PKM: variants seen among roughly 807,000 people sequenced by gnomAD.
PKM encodes pyruvate kinase M1/2.
In PKM, 18 loss-of-function variants were observed where a neutral mutation model predicts 49.8. The observed-to-expected ratio is 0.36, with a 90% CI of 0.25 to 0.54. The LOEUF (loss-of-function observed/expected upper bound fraction) is 0.54. Ranked by LOEUF, PKM falls within the 20% of genes least tolerant of loss-of-function variation. The probability of loss-of-function intolerance (pLI) is 0.89; values close to 1 mark genes in which losing one functional copy is unlikely to be tolerated. For synonymous variants in PKM, 239 were observed against 261.8 expected, an observed-to-expected ratio of 0.91 and a Z score of 0.84; for missense variants, 508 against 713.8, an observed-to-expected ratio of 0.71 and a Z score of 3.28.
Position 72,200,621 on chromosome 15 carries a change from C to T in PKM, c.1342G>A (p.Ala448Thr). 2 of 1,613,346 alleles carry T rather than the reference C, an allele frequency of 1.2e-6. No homozygotes were observed. Among genetic ancestry groups the T allele is most frequent in the East Asian group, 4.5e-5 (2 of 44,850 alleles). Residue 448 changes from alanine (A) to threonine (T), a missense_variant, in exon 10 of 11, where the codon GCC becomes ACC. Physicochemically the swap from Ala to Thr is moderately conservative, Grantham distance 58. Coordinates refer to ENST00000335181, the MANE Select transcript of PKM (RefSeq NM_002654.6). The surrounding 1 kb of genome is among the most constrained non-coding windows in gnomAD (Gnocchi z 4.6). The part of the protein sequence containing the change: ...AHQVARYRPR[A>T]PIIAVTRNPQ... The stretch of plus-strand genomic sequence containing the variant: ...TTCCGGGTCACAGCAATGATGGGGG[C>T]ACGTGGGCGGTATCTGGCCACCTGG...
intron 1 of PKM, among the ~76,000 whole-genome samples, chr15:72,223,187 C>T (rs1429381036): frequency 6.6e-6 from 1 of 152,010 alleles, no homozygotes; most frequent in Non-Finnish European, 1.5e-5. Context: ...TCCCATGCTC[C>T]ACTTCTTAGG....
intron 1 of PKM, among the ~76,000 whole-genome samples, chr15:72,221,546 T>C (rs532524932): frequency 2.7e-5 from 4 of 149,826 alleles, no homozygotes; most frequent in East Asian, 4.0e-4. Context: ...TAGGACGTCA[T>C]TGGGGTGGTA....
At position 72,202,470 on chromosome 15, in the gene PKM, G is replaced by C; in HGVS notation, c.1291C>G (p.Leu431Val). The part of the protein sequence containing the change: ...FKCCSGAIIV[L>V]TKSGRSAHQV... The stretch of plus-strand genomic sequence containing the variant: ...GCCTCCTACCTGCCAGACTTGGTGA[G>C]GACGATTATGGCCCCACTGCAGCAC... The change falls in exon 9 of 11, where the codon CTC becomes GTC. Residue 431 changes from leucine to valine, a missense_variant. Coordinates refer to ENST00000335181, the MANE Select transcript of PKM (RefSeq NM_002654.6). The surrounding 1 kb of genome is among the most constrained non-coding windows in gnomAD (Gnocchi z 4.5). The C allele has an allele frequency of 6.2e-7, 1 of 1,613,178 alleles. No individual in the cohort carries two copies. Among genetic ancestry groups the C allele is most frequent in the Non-Finnish European group, 8.5e-7 (1 of 1,179,852 alleles).
Position 72,219,071 on chromosome 15 carries a change from C to A in PKM, c.27G>T (p.Gly9=). Residue 9 remains glycine, a synonymous_variant, in exon 2 of 11, where the codon GGG becomes GGT. Coordinates refer to ENST00000335181, the MANE Select transcript of PKM (RefSeq NM_002654.6). ...GCTGCTGGGTCTGAATGAAGGCAGT[C>A]CCGGCTTCACTATGGGGCTTCGACA... MSKPHSEA[G]TAFIQTQQLH... The A allele has an allele frequency of 1.2e-6, 2 of 1,614,148 alleles. No individual in the cohort carries two copies. Among genetic ancestry groups the A allele is most frequent in the Non-Finnish European group, 8.5e-7 (1 of 1,179,998 alleles).
At chr15:72,207,776 G>A (rs1240391562) in intron 6 of PKM, among the ~76,000 whole-genome samples, 1 of 152,246 alleles carries the variant, frequency 6.6e-6, no homozygotes, top group African/African-American at 2.4e-5. Flanking sequence ...CTAGGGCCAA[G>A]TTCAGCTAGC....
intron 1 of PKM, among the ~76,000 whole-genome samples, chr15:72,224,298 G>A (rs1424992332): frequency 6.6e-6 from 1 of 152,114 alleles, no homozygotes; most frequent in East Asian, 1.9e-4. Context: ...CAAGGGACCT[G>A]GGACCCTGAT....
At chr15:72,214,593 C>T (rs1456026037) in intron 3 of PKM, among the ~76,000 whole-genome samples, 1 of 151,972 alleles carries the variant, frequency 6.6e-6, no homozygotes, top group Non-Finnish European at 1.5e-5. Context: ...GTCAGGAATT[C>T]GAGATCAGCC....
At chr15:72,230,067 C>T (rs751175235) in intron 1 of PKM, among the ~76,000 whole-genome samples, 2 of 152,306 alleles carry the variant, frequency 1.3e-5, no homozygotes, top group South Asian at 4.1e-4. Flanking sequence ...GCGGGGTGGG[C>T]CCTGGGCGCG....
At chr15:72,208,982 G>A in intron 5 of PKM, 91 bp from the exon 6 acceptor site, 1 of 1,382,656 alleles carries the variant, frequency 7.2e-7, no homozygotes, top group Middle Eastern at 1.8e-4. Flanking sequence ...AGTGAGCTGG[G>A]AAGTGGTGCA....
At chr15:72,210,277 G>A (rs569580239) in intron 4 of PKM, 70 bp downstream of exon 4, 19 of 1,541,300 alleles carry the variant, frequency 1.2e-5, no homozygotes, top group African/African-American at 1.1e-4. Context: ...GCAACCCAGC[G>A]CTTTGGAGGA....
rs1167557505 is a variant in PKM, at chr15:72,200,875, G to A, written c.1308-220C>T. On this transcript the variant is annotated intron_variant, in intron 9 of 10. Transcript: ENST00000335181. This position sits in a 1 kb window ranked among gnomAD's most constrained non-coding sequence, Gnocchi z 4.6. The stretch of plus-strand genomic sequence containing the variant: ...ATTTGCCCTCTACCCCCATTCCACA[G>A]GCCAAGGGCTCAGGATCACCTTGAC... 3.7e-6 allele frequency: 2 copies of A among 539,214 alleles called. No individual in the cohort carries two copies. Among genetic ancestry groups the A allele is most frequent in the South Asian group, 4.7e-5 (2 of 42,404 alleles). 33.4% of individuals were successfully genotyped at this position (539,214 alleles called of 1,614,324 possible).
intron 1 of PKM, among the ~76,000 whole-genome samples, chr15:72,221,565 GA>G (rs35563486): frequency 5.4e-4 from 79 of 145,770 alleles, no homozygotes; most frequent in South Asian, 1.3e-3. Flanking sequence ...TAGGATTACA[GA>G]AAAAAAAAAA....
intron 8 of PKM, chr15:72,203,956 A>G (rs1044909940): frequency 6.6e-6 from 1 of 152,254 alleles, no homozygotes; most frequent in Non-Finnish European, 1.5e-5. Flanking sequence ...AAGAATCAGA[A>G]AGACAATGTA....
chr15:72,206,086 C>A (rs1211794297), intron 8 of PKM, among the ~76,000 whole-genome samples: 2 of 152,226 alleles, frequency 1.3e-5, no homozygotes, highest in Non-Finnish European at 1.5e-5. Flanking sequence ...TGTGGCCCTG[C>A]CACCAGTCAC....
chr15:72,229,314 G>A (rs571873176), intron 1 of PKM, among the ~76,000 whole-genome samples: 120 of 152,342 alleles, frequency 7.9e-4, no homozygotes, highest in African/African-American at 2.8e-3. Flanking sequence ...CAACCATCAT[G>A]AGGAAAATGT....
chr15:72,226,576 A>T (rs2082677154), intron 1 of PKM, among the ~76,000 whole-genome samples: 1 of 152,256 alleles, frequency 6.6e-6, no homozygotes, highest in African/African-American at 2.4e-5. Flanking sequence ...AAGAAACATT[A>T]TCTGCAAGTA....
At chr15:72,226,911 G>A (rs952495936) in intron 1 of PKM, among the ~76,000 whole-genome samples, 2 of 152,218 alleles carry the variant, frequency 1.3e-5, no homozygotes, top group South Asian at 4.1e-4. Context: ...CAGGGGCGGG[G>A]CTTCACCGCA....
chr15:72,203,824 G>A (rs1213134309), intron 8 of PKM: 1 of 153,314 alleles, frequency 6.5e-6, no homozygotes, highest in Admixed American at 6.5e-5. Context: ...GCCATGTGAA[G>A]AGACAGATGC....
intron 1 of PKM, chr15:72,228,721 G>A: frequency 1.3e-6 from 1 of 793,822 alleles, no homozygotes; most frequent in South Asian, 1.5e-5. Context: ...CAGCACCTCA[G>A]GCCACCAAAG....
Sources: gnomAD v4.1 joint callset for allele counts (sites outside exome capture counted in the v4.1 genomes callset) on GRCh38, gnomAD v4.1.1 for gene constraint, Gnocchi (gnomAD v3.1) non-coding constraint, MANE v1.5 for transcripts, NCBI Gene and HGNC (gene_info 2026-07-23, HGNC 2026-07-21) for gene names.